Variants in TFEC observed in about 807,000 individuals in gnomAD.
The protein encoded by TFEC is transcription factor EC.
Under a neutral mutation model 41.6 loss-of-function variants are expected in TFEC, and 31 were observed. The observed-to-expected ratio is 0.74, with a 90% CI of 0.56 to 1.01. The LOEUF (loss-of-function observed/expected upper bound fraction) is 1.01. TFEC is among the 50% of genes least tolerant of loss of function. The pLI is 0.00. For synonymous variants in TFEC, 143 were observed against 140.6 expected (o/e 1.02, Z -0.12); for missense variants, 402 against 404.1 (o/e 0.99, Z 0.04).
chr7:115,943,732 T>C (rs1793628722), intron 6 of TFEC, among the ~76,000 whole-genome samples: 1 of 151,648 alleles, frequency 6.6e-6, no homozygotes, highest in Non-Finnish European at 1.5e-5. Context: ...AATAAAGGCA[T>C]GGCTAAAGAA....
intron 3 of TFEC, among the ~76,000 whole-genome samples, chr7:116,066,503 T>C (rs146962819): frequency 3.0e-4 from 46 of 152,084 alleles, no homozygotes; most frequent in Admixed American, 2.5e-3. Flanking sequence ...ATATATGAGA[T>C]AAATCTGAAA....
At chr7:116,077,096 A>C (rs957382135) in intron 3 of TFEC, among the ~76,000 whole-genome samples, 2 of 152,176 alleles carry the variant, frequency 1.3e-5, no homozygotes, top group African/African-American at 4.8e-5. Context: ...AACTCTACAA[A>C]CTAGAAGGGA....
intron 1 of TFEC, among the ~76,000 whole-genome samples, chr7:116,116,754 A>G (rs1167908053): frequency 6.6e-6 from 1 of 151,850 alleles, no homozygotes; most frequent in African/African-American, 2.4e-5. Flanking sequence ...ATTCTCATTG[A>G]AGGGTCTACT....
At chr7:116,087,232 CTA>C (rs1029759979) in intron 3 of TFEC, among the ~76,000 whole-genome samples, 1 of 151,920 alleles carries the variant, frequency 6.6e-6, no homozygotes, top group Admixed American at 6.6e-5. Context: ...TTGGAATAAA[CTA>C]TATAAAAAAC....
chr7:115,996,271 A>C (rs560445842), intron 1 of TFEC, among the ~76,000 whole-genome samples: 2 of 152,110 alleles, frequency 1.3e-5, no homozygotes, highest in Non-Finnish European at 2.9e-5. Context: ...AGAACAAGGC[A>C]GAGTCTCGAG....
chr7:116,066,186 T>G (rs1226889180), intron 3 of TFEC, among the ~76,000 whole-genome samples: 2 of 152,094 alleles, frequency 1.3e-5, no homozygotes, highest in East Asian at 3.8e-4. Flanking sequence ...CCTGCTGCCA[T>G]TAGACGTTTG....
At chr7:116,083,500 G>C (rs920889058) in intron 3 of TFEC, among the ~76,000 whole-genome samples, 2 of 151,782 alleles carry the variant, frequency 1.3e-5, no homozygotes, top group Non-Finnish European at 2.9e-5. Context: ...GGAATCAAAA[G>C]TTTCACAAAC....
intron 1 of TFEC, among the ~76,000 whole-genome samples, chr7:115,989,417 C>A (rs1343757404): frequency 6.6e-6 from 1 of 152,144 alleles, no homozygotes; most frequent in East Asian, 1.9e-4. Context: ...GGGTGCAGCC[C>A]ACGGAGTGTG....
intron 6 of TFEC, 67 bp downstream of exon 6, chr7:115,950,807 T>C (rs1455315413): frequency 1.6e-6 from 2 of 1,249,384 alleles, no homozygotes; most frequent in African/African-American, 1.5e-5. Flanking sequence ...TCCTCCCTTC[T>C]TCCCTCCCAT....
rs34298819 is a variant in TFEC, at chr7:115,940,839, G to A, written c.756C>T (p.Ser252=). 20,642 of 1,613,410 alleles carry A rather than the reference G, an allele frequency of 0.013. 168 individuals are homozygous for A. The highest frequency in any genetic ancestry group is 0.015 in the Non-Finnish European group (17,282 of 1,179,558). The change falls in exon 8 of 8, where the codon AGC becomes AGT. Residue 252 remains serine, a synonymous_variant. Coordinates refer to ENST00000265440, the MANE Select transcript of TFEC (RefSeq NM_012252.4). ...AGTCTACTGAATTCTGCTCAGGATGGCTCTGCTGTTTGGTGACATGAGCAC... is the reference window on the plus strand; with the variant it reads ...AGTCTACTGAATTCTGCTCAGGATGACTCTGCTGTTTGGTGACATGAGCAC... ...DLGAHVTKQQ[S]HPEQNSVDYC...
rs888699984 is a variant in TFEC at position 115,941,059 on chromosome 7, G to A, written c.664-128C>T. The A allele has an allele frequency of 7.0e-6, 6 of 862,216 alleles. No individual in the cohort carries two copies. In the Admixed American group the frequency reaches 1.0e-4, roughly 14 times the overall value. The allele number at this position is 862,216 out of a possible 1,614,324, so 53.4% of individuals were successfully genotyped here. On this transcript the variant is annotated intron_variant, in intron 7 of 7. Transcript: ENST00000265440. ...TGAAGAGTAATACAATACAAATTAT[G>A]AATAATCTTTGCAAATAATGAAATT...
chr7:116,058,311 T>C (rs943001318), intron 3 of TFEC, among the ~76,000 whole-genome samples: 7 of 150,578 alleles, frequency 4.6e-5, no homozygotes, highest in African/African-American at 1.5e-4. Flanking sequence ...ATAATAAAAG[T>C]GTCAATTTAT....
chr7:115,945,986 A>G (rs761688255), intron 6 of TFEC, among the ~76,000 whole-genome samples: 1 of 151,764 alleles, frequency 6.6e-6, no homozygotes, highest in African/African-American at 2.4e-5. Context: ...CCCTATACAA[A>G]AAGTACTTAC....
At chr7:116,094,912 C>T (rs1421622936) in intron 3 of TFEC, among the ~76,000 whole-genome samples, 1 of 152,122 alleles carries the variant, frequency 6.6e-6, no homozygotes, top group African/African-American at 2.4e-5. Context: ...ATTGCTAAGT[C>T]TCATTCGATG....
chr7:116,007,788 T>C (rs1307534287), intron 1 of TFEC, among the ~76,000 whole-genome samples: 8 of 152,214 alleles, frequency 5.3e-5, no homozygotes, highest in Non-Finnish European at 1.2e-4. Flanking sequence ...TCATATCTCC[T>C]TAAATATTGT....
chr7:115,945,730 G>A (rs1791497527), intron 6 of TFEC, among the ~76,000 whole-genome samples: 1 of 151,726 alleles, frequency 6.6e-6, no homozygotes, highest in Non-Finnish European at 1.5e-5. Context: ...ATAAGGAAGA[G>A]AAAAACAATG....
At chr7:116,013,501 A>C (rs749137004) in intron 1 of TFEC, among the ~76,000 whole-genome samples, 1 of 152,118 alleles carries the variant, frequency 6.6e-6, no homozygotes, top group Admixed American at 6.6e-5. Context: ...AGAATGCAAA[A>C]CAATAGCCAC....
chr7:115,947,964 G>A (rs1157976127), intron 6 of TFEC, among the ~76,000 whole-genome samples: 6 of 151,610 alleles, frequency 4.0e-5, no homozygotes, highest in African/African-American at 1.5e-4. Context: ...GACTAATAAA[G>A]AAAAAAAGAG....
intron 1 of TFEC, among the ~76,000 whole-genome samples, chr7:116,121,668 T>C (rs555890869): frequency 1.3e-5 from 2 of 152,164 alleles, no homozygotes; most frequent in Admixed American, 6.6e-5. Context: ...AGAAATTTTG[T>C]TTTACAGACT....
Sources: allele counts gnomAD v4.1 joint callset (sites outside exome capture counted in the v4.1 genomes callset), GRCh38; gene constraint gnomAD v4.1.1; transcripts MANE v1.5; gene names NCBI Gene and HGNC (gene_info 2026-07-23, HGNC 2026-07-21).